Variants in PID1 observed in about 807,000 individuals in gnomAD.
PID1 encodes the protein phosphotyrosine interaction domain containing 1.
In PID1, 10 loss-of-function variants were observed where a neutral mutation model predicts 19.1. The observed-to-expected ratio is 0.52, with a 90% CI of 0.32 to 0.89. PID1 has a LOEUF of 0.89. PID1 is among the 40% of genes least tolerant of loss of function. The probability of loss-of-function intolerance (pLI) is 0.03; values close to 1 mark genes in which losing one functional copy is unlikely to be tolerated. For synonymous variants in PID1, 130 were observed against 116.0 expected (o/e 1.12, Z -0.78); for missense variants, 248 against 285.3 (o/e 0.87, Z 0.94).
intron 2 of PID1, among the ~76,000 whole-genome samples, chr2:229,040,314 C>T (rs1003026476): frequency 2.9e-5 from 4 of 137,096 alleles, no homozygotes; most frequent in East Asian, 2.1e-4. Context: ...AGCAAGACAT[C>T]GTCAACAAAC....
At chr2:229,078,774 T>G (rs1476690274) in intron 2 of PID1, among the ~76,000 whole-genome samples, 1 of 152,186 alleles carries the variant, frequency 6.6e-6, no homozygotes, top group African/African-American at 2.4e-5. Context: ...GAACATCCTC[T>G]CCTGCTCCGC....
At chr2:229,155,028 G>T (rs1055659830) in intron 2 of PID1, among the ~76,000 whole-genome samples, 4 of 152,162 alleles carry the variant, frequency 2.6e-5, no homozygotes, top group African/African-American at 9.7e-5. Flanking sequence ...ATGAATATTA[G>T]TATAAATTTT....
At chr2:229,257,525 G>A (rs746903396) in intron 1 of PID1, among the ~76,000 whole-genome samples, 8 of 152,112 alleles carry the variant, frequency 5.3e-5, no homozygotes, top group Admixed American at 1.3e-4. Context: ...ATAACCACAC[G>A]TACAGGTTGA....
At chr2:229,135,297 A>G (rs1314628418) in intron 2 of PID1, among the ~76,000 whole-genome samples, 1 of 152,208 alleles carries the variant, frequency 6.6e-6, no homozygotes, top group African/African-American at 2.4e-5. Flanking sequence ...TCGTCTTTCA[A>G]TTCTTCCTGT....
At chr2:229,270,591 T>A (rs552705376) in intron 1 of PID1, among the ~76,000 whole-genome samples, 126 of 150,728 alleles carry the variant, frequency 8.4e-4, no homozygotes, top group African/African-American at 2.8e-3. Flanking sequence ...CCACATTATA[T>A]TGGCAAATGG....
intron 1 of PID1, among the ~76,000 whole-genome samples, chr2:229,180,185 A>T (rs796179026): frequency 6.6e-6 from 1 of 152,146 alleles, no homozygotes; most frequent in Non-Finnish European, 1.5e-5. Flanking sequence ...GAAGTGATTG[A>T]TGTTTATAAG....
chr2:229,245,292 G>A (rs1445073321), intron 1 of PID1, among the ~76,000 whole-genome samples: 1 of 152,078 alleles, frequency 6.6e-6, no homozygotes, highest in African/African-American at 2.4e-5. Flanking sequence ...AGATGAAAAT[G>A]ATGCTTCTTG....
At chr2:229,263,526 C>A (rs868091615) in intron 1 of PID1, among the ~76,000 whole-genome samples, 3 of 152,190 alleles carry the variant, frequency 2.0e-5, no homozygotes. Flanking sequence ...AGATTATTAT[C>A]ATGGCTGGGC....
intron 2 of PID1, among the ~76,000 whole-genome samples, chr2:229,063,589 T>C (rs1409168586): frequency 6.6e-6 from 1 of 152,078 alleles, no homozygotes; most frequent in African/African-American, 2.4e-5. Context: ...GAGAAGAAAG[T>C]GTAATCTGCT....
At chr2:229,090,100 C>T (rs1198831981) in intron 2 of PID1, among the ~76,000 whole-genome samples, 1 of 152,128 alleles carries the variant, frequency 6.6e-6, no homozygotes, top group African/African-American at 2.4e-5. Flanking sequence ...AATCTAGATC[C>T]TTCATTCATA....
At chr2:229,152,794 G>A (rs569759326) in intron 2 of PID1, among the ~76,000 whole-genome samples, 41 of 152,224 alleles carry the variant, frequency 2.7e-4, no homozygotes, top group Admixed American at 1.4e-3. Context: ...AATCTGAGAT[G>A]AGCTAGGGTC....
chr2:229,251,371 G>A (rs967747051), intron 1 of PID1, among the ~76,000 whole-genome samples: 8 of 151,606 alleles, frequency 5.3e-5, no homozygotes, highest in African/African-American at 1.5e-4. Flanking sequence ...TCCAAGATCC[G>A]TTGGTCAAGA....
At chr2:229,223,729 T>C (rs1183862884) in intron 1 of PID1, among the ~76,000 whole-genome samples, 2 of 152,204 alleles carry the variant, frequency 1.3e-5, no homozygotes, top group Non-Finnish European at 2.9e-5. Flanking sequence ...GTGAAGCCAA[T>C]AGTAACCTCC....
chr2:229,140,747 C>T (rs944462346), intron 2 of PID1, among the ~76,000 whole-genome samples: 4 of 152,084 alleles, frequency 2.6e-5, no homozygotes, highest in African/African-American at 9.7e-5. Context: ...CCTAATGTAG[C>T]TCATGCCAAC....
chr2:229,101,063 T>C (rs1370958220), intron 2 of PID1, among the ~76,000 whole-genome samples: 1 of 152,166 alleles, frequency 6.6e-6, no homozygotes, highest in Non-Finnish European at 1.5e-5. Context: ...ATTGACTAAC[T>C]AGGGCCCTCC....
At chr2:229,261,795 C>T (rs575359963) in intron 1 of PID1, among the ~76,000 whole-genome samples, 1 of 152,284 alleles carries the variant, frequency 6.6e-6, no homozygotes, top group South Asian at 2.1e-4. Context: ...TGGACAGGCT[C>T]CCTGCCTTCG....
intron 1 of PID1, among the ~76,000 whole-genome samples, chr2:229,191,919 A>T (rs901711762): frequency 6.6e-6 from 1 of 152,204 alleles, no homozygotes; most frequent in African/African-American, 2.4e-5. Context: ...TACATGTTAA[A>T]TGCTTAAAAA....
chr2:229,181,720 ATGC>A (rs1690950657), intron 1 of PID1, among the ~76,000 whole-genome samples: 2 of 152,160 alleles, frequency 1.3e-5, no homozygotes, highest in African/African-American at 4.8e-5. Flanking sequence ...TAGAAATGAC[ATGC>A]TGCTTTATTT....
intron 1 of PID1, among the ~76,000 whole-genome samples, chr2:229,183,330 CTG>C (rs1284026037): frequency 1.3e-5 from 2 of 152,216 alleles, no homozygotes; most frequent in African/African-American, 2.4e-5. Context: ...GCCTCCCAAA[CTG>C]TGAAAGAATC....
Sources: allele counts gnomAD v4.1 joint callset (sites outside exome capture counted in the v4.1 genomes callset), GRCh38; gene constraint gnomAD v4.1.1; transcripts MANE v1.5; gene names NCBI Gene and HGNC (gene_info 2026-07-23, HGNC 2026-07-21).